The following PEPD variants were observed in gnomAD, a reference collection of about 807,000 sequenced individuals.
The protein encoded by PEPD is peptidase D, also known as xaa-Pro dipeptidase.
In PEPD, 53 loss-of-function variants were observed where a neutral mutation model predicts 60.7. The ratio of observed to expected loss-of-function variants is 0.87; its 90% CI spans 0.70 to 1.10. The LOEUF is 1.10. Among genes scored for constraint, PEPD ranks in the 50% least tolerant of loss-of-function variants. PEPD has a pLI of 0.00. For synonymous variants in PEPD, 267 were observed against 284.1 expected (o/e 0.94, Z 0.60); for missense variants, 711 against 711.9 (o/e 1.00, Z 0.01).
chr19:33,389,939 T>A (rs527663302), intron 13 of PEPD, among the ~76,000 whole-genome samples: 1 of 152,314 alleles, frequency 6.6e-6, no homozygotes, highest in East Asian at 1.9e-4. Context: ...CAGAGCCATG[T>A]GGGGAGGGCA....
At chr19:33,510,911 T>A in intron 3 of PEPD, 117 bp downstream of exon 3, 1 of 1,077,764 alleles carries the variant, frequency 9.3e-7, no homozygotes, top group Non-Finnish European at 1.4e-6. Flanking sequence ...CCCTTCCTCC[T>A]GCAGCTCTTC....
chr19:33,516,052 C>A (rs1971016929), intron 1 of PEPD, among the ~76,000 whole-genome samples: 1 of 152,118 alleles, frequency 6.6e-6, no homozygotes, highest in South Asian at 2.1e-4. Flanking sequence ...CAGAACAGAA[C>A]CCACCCTGTG....
intron 7 of PEPD, among the ~76,000 whole-genome samples, chr19:33,471,312 G>C (rs988921678): frequency 3.3e-5 from 5 of 152,160 alleles, no homozygotes; most frequent in East Asian, 1.9e-4. Context: ...CAGGCATAGA[G>C]GGATGCACCC....
intron 4 of PEPD, among the ~76,000 whole-genome samples, chr19:33,499,769 G>C (rs1326014793): frequency 6.6e-6 from 1 of 152,306 alleles, no homozygotes; most frequent in African/African-American, 2.4e-5. Context: ...TTCCAGGACA[G>C]CAGTACCGGG....
At chr19:33,425,067 G>A (rs979560626) in intron 9 of PEPD, among the ~76,000 whole-genome samples, 5 of 151,968 alleles carry the variant, frequency 3.3e-5, no homozygotes, top group Admixed American at 6.5e-5. Flanking sequence ...ACATGACCAG[G>A]AAACAAAAAG....
At position 33,512,627 on chromosome 19, in the gene PEPD, C is replaced by T. The variant is rs749796022; in HGVS notation, c.167G>A (p.Arg56His). 3.0e-5 allele frequency: 48 copies of T among 1,613,934 alleles called. No individual in the cohort carries two copies. The highest frequency in any genetic ancestry group is 4.4e-5 in the South Asian group (4 of 91,082). Reference sequence around the variant, plus strand: ...GAGGACCCCGGTGTCGGTGCAGTAGCGCTGAGTCTCCTCCCCGCCCTGCAG... The same window carrying T: ...GAGGACCCCGGTGTCGGTGCAGTAGTGCTGAGTCTCCTCCCCGCCCTGCAG... ...VVLQGGEETQ[R>H]YCTDTGVLFR... The change falls in exon 2 of 15, where the codon CGC (arginine) becomes CAC (histidine). Residue 56 changes from arginine to histidine, a missense_variant. Transcript: ENST00000244137.
chr19:33,413,564 G>A lies in PEPD; in HGVS notation c.740+11C>T. The A allele has an allele frequency of 6.5e-7, 1 of 1,529,018 alleles. No individual in the cohort carries two copies. The highest frequency in any genetic ancestry group is 8.9e-7 in the Non-Finnish European group (1 of 1,123,298). 94.7% of individuals were successfully genotyped at this position (1,529,018 alleles called of 1,614,324 possible). On this transcript the variant is annotated intron_variant, in intron 10 of 14. Transcript: ENST00000244137. ...TGGTCACCCCCAGGGGAGCCAGGGTGCCCCGCTTACCTGCCGCAGATGCAG... is the reference window on the plus strand; with the variant it reads ...TGGTCACCCCCAGGGGAGCCAGGGTACCCCGCTTACCTGCCGCAGATGCAG...
intron 7 of PEPD, among the ~76,000 whole-genome samples, chr19:33,470,063 G>C (rs539989929): frequency 5.7e-4 from 86 of 151,742 alleles, no homozygotes; most frequent in Middle Eastern, 6.8e-3. Context: ...GCAGAGACCC[G>C]GGCGTCATCC....
intron 9 of PEPD, among the ~76,000 whole-genome samples, chr19:33,448,789 T>C (rs1266955522): frequency 2.6e-5 from 4 of 152,118 alleles, no homozygotes; most frequent in Admixed American, 6.5e-5. Flanking sequence ...CAGCCCACGG[T>C]TACCAGCTAC....
intron 9 of PEPD, among the ~76,000 whole-genome samples, chr19:33,424,362 G>C (rs1969097442): frequency 6.6e-6 from 1 of 152,252 alleles, no homozygotes; most frequent in African/African-American, 2.4e-5. Context: ...TTGGCACCTT[G>C]AGCCAGCGAG....
At chr19:33,415,551 A>G (rs1968872831) in intron 9 of PEPD, among the ~76,000 whole-genome samples, 1 of 152,088 alleles carries the variant, frequency 6.6e-6, no homozygotes, top group Non-Finnish European at 1.5e-5. Context: ...AACATCAGAA[A>G]GGGGAGGCAG....
At chr19:33,484,991 A>G (rs1970371172) in intron 6 of PEPD, among the ~76,000 whole-genome samples, 1 of 152,208 alleles carries the variant, frequency 6.6e-6, no homozygotes. Context: ...GTGCCCTGGA[A>G]GCAGAGTGTA....
intron 2 of PEPD, chr19:33,511,594 C>T (rs569202524): frequency 1.7e-5 from 5 of 294,406 alleles, no homozygotes; most frequent in South Asian, 1.0e-4. Context: ...CTCCCACCCC[C>T]GGGACGGCTG....
intron 12 of PEPD, among the ~76,000 whole-genome samples, chr19:33,394,053 T>C (rs541178323): frequency 6.6e-6 from 1 of 152,238 alleles, no homozygotes; most frequent in Non-Finnish European, 1.5e-5. Context: ...TTGCTTCTCA[T>C]GTCTCACTCC....
rs572432695 is a variant in PEPD at position 33,430,521 on chromosome 19, CAG to C, written c.672-16880_672-16879del. ...GATCAAAGCCCGTCTGTCTGTGCCC[CAG>C]AGAGACCGGAAGCCTGTTTGCTACA... On this transcript the variant is annotated intron_variant, in intron 9 of 14. Transcript: ENST00000244137. Among the ~76,000 whole-genome samples the C allele has an allele frequency of 3.7e-3, 559 of 152,262 alleles. 4 individuals are homozygous for C. The highest frequency in any genetic ancestry group is 0.013 in the African/African-American group (536 of 41,542).
chr19:33,502,230 AT>A (rs1236515196), intron 3 of PEPD, among the ~76,000 whole-genome samples: 2 of 152,080 alleles, frequency 1.3e-5, no homozygotes, highest in Admixed American at 1.3e-4. Context: ...GCCCCACCTC[AT>A]CACACGGGCT....
Position 33,471,518 on chromosome 19 carries a change from C to T in PEPD, c.548+6528G>A, listed in dbSNP as rs145963277. ...GAGGACAAAAGGGTGCCCCAGCCTC[C>T]GTGGGTCCACCGGCCCCTGGAGTGA... On this transcript the variant is annotated intron_variant, in intron 7 of 14. Coordinates refer to ENST00000244137, the MANE Select transcript of PEPD (RefSeq NM_000285.4). Among the ~76,000 whole-genome samples, 161 of 152,302 alleles carry T rather than the reference C, an allele frequency of 1.1e-3. 2 individuals carry two copies. The highest frequency in any genetic ancestry group is 6.5e-4 in the Admixed American group (10 of 15,306).
At chr19:33,413,776 T>C (rs1345605465) in intron 9 of PEPD, 133 bp from the exon 10 acceptor site, 2 of 662,996 alleles carry the variant, frequency 3.0e-6, no homozygotes, top group African/African-American at 1.8e-5. Context: ...GTCCAAACTC[T>C]CAGTGTGAGT....
At position 33,500,906 on chromosome 19, in the gene PEPD, T is replaced by C. The variant is rs752796271; in HGVS notation, c.393+32A>G. 5 of 1,317,916 alleles carry C rather than the reference T, an allele frequency of 3.8e-6. 1 individual carries two copies. The South Asian group carries it at 5.9e-5, about 15-fold the overall frequency. 81.6% of individuals were successfully genotyped at this position (1,317,916 alleles called of 1,614,324 possible). A position where few individuals can be genotyped will look rare whatever the true frequency, so the allele number is the denominator to read the frequency against. ...GGAGTGGAAGGCATGCTGGAAGCCCTGGGCTGCTCAGAGGAGGAGCCGGCT... is the reference window on the plus strand; with the variant it reads ...GGAGTGGAAGGCATGCTGGAAGCCCCGGGCTGCTCAGAGGAGGAGCCGGCT... On this transcript the variant is annotated intron_variant, in intron 4 of 14. Coordinates refer to ENST00000244137, the MANE Select transcript of PEPD (RefSeq NM_000285.4).
Sources: gnomAD v4.1 joint callset for allele counts (sites outside exome capture counted in the v4.1 genomes callset) on GRCh38, gnomAD v4.1.1 for gene constraint, MANE v1.5 for transcripts, NCBI Gene and HGNC (gene_info 2026-07-23, HGNC 2026-07-21) for gene names.